The following FGD4 variants were observed in gnomAD, a reference collection of about 807,000 sequenced individuals.
FGD4 encodes the protein FYVE, RhoGEF and PH domain-containing protein 4.
In FGD4, 42 loss-of-function variants were observed where a neutral mutation model predicts 102.0. The observed-to-expected ratio is 0.41, with a 90% CI of 0.32 to 0.53. The LOEUF (loss-of-function observed/expected upper bound fraction) is 0.53, where lower values mean the gene tolerates loss of function less well. Ranked by LOEUF, FGD4 falls within the 20% of genes least tolerant of loss-of-function variation. The pLI is 0.21. For synonymous variants in FGD4, 380 were observed against 375.7 expected (o/e 1.01, Z -0.13); for missense variants, 902 against 1,078.2 (o/e 0.84, Z 2.29).
At chr12:32,622,564 C>A (rs1215968793) in intron 11 of FGD4, among the ~76,000 whole-genome samples, 3 of 152,296 alleles carry the variant, frequency 2.0e-5, no homozygotes, top group South Asian at 2.1e-4. Context: ...TATTGAAGAT[C>A]TGAATTAAGT....
chr12:32,498,905 T>C (rs1875311), intron 1 of FGD4, among the ~76,000 whole-genome samples: 23,408 of 152,148 alleles, frequency 0.15, 2,373 homozygotes, highest in African/African-American at 0.29. Flanking sequence ...CCAACAGTTA[T>C]TAGTTTTTTT....
At chr12:32,580,321 TAGTA>T (rs1016685526) in intron 3 of FGD4, among the ~76,000 whole-genome samples, 7 of 145,250 alleles carry the variant, frequency 4.8e-5, no homozygotes, top group Non-Finnish European at 7.4e-5. Context: ...TTGTGGTTCT[TAGTA>T]AGCACTTAAT....
intron 1 of FGD4, among the ~76,000 whole-genome samples, chr12:32,453,509 C>T (rs930135813): frequency 6.6e-6 from 1 of 151,796 alleles, no homozygotes; most frequent in African/African-American, 2.4e-5. Flanking sequence ...GCTGGGATTA[C>T]AGGTGTGAGC....
At chr12:32,433,605 G>A (rs1942125894) in intron 1 of FGD4, among the ~76,000 whole-genome samples, 1 of 152,018 alleles carries the variant, frequency 6.6e-6, no homozygotes, top group African/African-American at 2.4e-5. Context: ...CCAAAGTGCT[G>A]GGATTATAAG....
At chr12:32,583,352 A>T (rs902811340) in intron 4 of FGD4, among the ~76,000 whole-genome samples, 1 of 152,158 alleles carries the variant, frequency 6.6e-6, no homozygotes, top group Non-Finnish European at 1.5e-5. Flanking sequence ...ACAAGGAAAA[A>T]AAAATCTTAG....
At chr12:32,576,780 G>A (rs1946161604) in intron 3 of FGD4, among the ~76,000 whole-genome samples, 1 of 152,086 alleles carries the variant, frequency 6.6e-6, no homozygotes, top group African/African-American at 2.4e-5. Flanking sequence ...CATTCTGTGG[G>A]ACGCTCAATA....
intron 1 of FGD4, among the ~76,000 whole-genome samples, chr12:32,530,561 A>G (rs2092648454): frequency 6.6e-6 from 1 of 152,180 alleles, no homozygotes; most frequent in African/African-American, 2.4e-5. Flanking sequence ...TAACATTGCT[A>G]CAAGGAGGGA....
intron 1 of FGD4, among the ~76,000 whole-genome samples, chr12:32,408,439 T>G (rs564487156): frequency 6.6e-6 from 1 of 152,296 alleles, no homozygotes; most frequent in Admixed American, 6.5e-5. Context: ...AGTGCTGGGT[T>G]GACAGGTGTG....
chr12:32,539,397 G>A (rs1032488355), intron 1 of FGD4, among the ~76,000 whole-genome samples: 2 of 151,888 alleles, frequency 1.3e-5, no homozygotes, highest in Non-Finnish European at 2.9e-5. Flanking sequence ...TGGAGAAACC[G>A]CATCTCTACT....
chr12:32,428,203 G>A (rs184310349), intron 1 of FGD4, among the ~76,000 whole-genome samples: 23 of 152,320 alleles, frequency 1.5e-4, no homozygotes, highest in African/African-American at 5.5e-4. Flanking sequence ...GCTGGTACCA[G>A]TTGTTGCTTT....
chr12:32,517,210 A>G (rs1272273836), intron 1 of FGD4, among the ~76,000 whole-genome samples: 3 of 152,236 alleles, frequency 2.0e-5, no homozygotes, highest in Non-Finnish European at 2.9e-5. Context: ...ATCTTTATGC[A>G]TATAGCTCTT....
chr12:32,505,848 C>T (rs1293660785), intron 1 of FGD4, among the ~76,000 whole-genome samples: 1 of 152,080 alleles, frequency 6.6e-6, no homozygotes, highest in Non-Finnish European at 1.5e-5. Flanking sequence ...CCAGTTTACT[C>T]GTCCTGAACT....
At chr12:32,428,107 G>A (rs1011571462) in intron 1 of FGD4, among the ~76,000 whole-genome samples, 1 of 152,164 alleles carries the variant, frequency 6.6e-6, no homozygotes, top group Non-Finnish European at 1.5e-5. Flanking sequence ...CTGTCATTAT[G>A]ATGCTGGCTG....
At chr12:32,579,266 ACTC>A (rs1479570929) in intron 3 of FGD4, among the ~76,000 whole-genome samples, 2 of 151,382 alleles carry the variant, frequency 1.3e-5, no homozygotes, top group Admixed American at 1.3e-4. Context: ...CTGGGCTCGA[ACTC>A]CTGACCTCAG....
intron 1 of FGD4, among the ~76,000 whole-genome samples, chr12:32,531,195 C>T (rs1425112813): frequency 6.6e-6 from 1 of 151,900 alleles, no homozygotes; most frequent in Admixed American, 6.6e-5. Flanking sequence ...ATGATCCGCC[C>T]GCCTCGGCCT....
chr12:32,626,788 G>C (rs902496894), intron 14 of FGD4, among the ~76,000 whole-genome samples: 4 of 152,112 alleles, frequency 2.6e-5, no homozygotes, highest in African/African-American at 9.7e-5. Context: ...CGTTTTTGTT[G>C]TTCTGGTGGT....
At chr12:32,635,720 A>T (rs933267923) in intron 15 of FGD4, among the ~76,000 whole-genome samples, 1 of 152,108 alleles carries the variant, frequency 6.6e-6, no homozygotes, top group Non-Finnish European at 1.5e-5. Flanking sequence ...TAGGCTTTTT[A>T]ATAATATGGA....
intron 1 of FGD4, among the ~76,000 whole-genome samples, chr12:32,519,491 T>A (rs182260934): frequency 4.9e-4 from 74 of 152,308 alleles, no homozygotes; most frequent in Non-Finnish European, 7.8e-4. Flanking sequence ...TCTTTTTAAC[T>A]GTCTTTTAAA....
rs916453638 is a variant in FGD4 at position 32,485,906 on chromosome 12, G to A, written c.167-78231G>A. On this transcript the variant is annotated intron_variant, in intron 1 of 16. Coordinates refer to ENST00000534526, the MANE Select transcript of FGD4 (RefSeq NM_001370298.3). ...TGGAATTTTGAAATGCGTTGCTTGC[G>A]TAGTTCCTTGAGCCTGCATCACTGC... 3 of 1,255,754 alleles carry A rather than the reference G, an allele frequency of 2.4e-6. No homozygotes were observed. The African/African-American group carries it at 4.6e-5, about 19-fold the overall frequency. 77.8% of individuals were successfully genotyped at this position (1,255,754 alleles called of 1,614,324 possible).
Sources: allele counts gnomAD v4.1 joint callset (sites outside exome capture counted in the v4.1 genomes callset), GRCh38; gene constraint gnomAD v4.1.1; transcripts MANE v1.5; gene names NCBI Gene and HGNC (gene_info 2026-07-23, HGNC 2026-07-21).